Variants in MYO5A observed in about 807,000 individuals in gnomAD.
The protein encoded by MYO5A is myosin VA.
Under a neutral mutation model 249.7 loss-of-function variants are expected in MYO5A, and 98 were observed. That is an observed-to-expected ratio of 0.39 (90% confidence interval 0.33 to 0.46). The LOEUF (loss-of-function observed/expected upper bound fraction) is 0.46, where lower values mean the gene tolerates loss of function less well. Among genes scored for constraint, MYO5A ranks in the 20% least tolerant of loss-of-function variants. MYO5A has a pLI of 0.98. For synonymous variants in MYO5A, 778 were observed against 810.6 expected, an observed-to-expected ratio of 0.96 and a Z score of 0.68; for missense variants, 1,696 against 2,308.8, an observed-to-expected ratio of 0.73 and a Z score of 5.44.
intron 14 of MYO5A, among the ~76,000 whole-genome samples, chr15:52,385,193 T>A (rs2141140792): frequency 6.6e-6 from 1 of 152,348 alleles, no homozygotes; most frequent in South Asian, 2.1e-4. Context: ...ACATCCCATA[T>A]AAATAAAACC....
In MYO5A at chr15:52,317,236, GA is replaced by G; in HGVS notation, c.5235-15del. The G allele has an allele frequency of 1.9e-6, 3 of 1,612,492 alleles. No individual in the cohort carries two copies. Among genetic ancestry groups the G allele is most frequent in the Non-Finnish European group, 2.5e-6 (3 of 1,179,624 alleles). On this transcript the variant is annotated splice_polypyrimidine_tract_variant and intron_variant, in intron 39 of 41. Coordinates refer to ENST00000399233, the MANE Select transcript of MYO5A (RefSeq NM_001382347.1). ...CTGACATTGTACCTATGAAAAAAAA[GA>G]GATACAGAGAATGCAAATTTGCTGA...
At chr15:52,354,363 C>T (rs1027842724) in intron 25 of MYO5A, among the ~76,000 whole-genome samples, 1 of 152,140 alleles carries the variant, frequency 6.6e-6, no homozygotes, top group Non-Finnish European at 1.5e-5. Flanking sequence ...ATACCTTTAA[C>T]CTAGCAAATC....
At chr15:52,414,719 A>G (rs2043400870) in intron 5 of MYO5A, among the ~76,000 whole-genome samples, 1 of 152,206 alleles carries the variant, frequency 6.6e-6, no homozygotes, top group Admixed American at 6.5e-5. Flanking sequence ...ACCAGTCAAA[A>G]CAACAACAGC....
Position 52,464,686 on chromosome 15 carries a change from G to A in MYO5A, c.28-31401C>T, listed in dbSNP as rs1162416094. On this transcript the variant is annotated intron_variant, in intron 1 of 41. Coordinates refer to ENST00000399233, the MANE Select transcript of MYO5A (RefSeq NM_001382347.1). ...GACTGAAAAAATAGGTTAGGAGCAG[G>A]ATGTGAAAGACCTCATGTGCCATGG... Among the ~76,000 whole-genome samples, 3 of 152,314 alleles carry A rather than the reference G, an allele frequency of 2.0e-5. No individual in the cohort carries two copies. The East Asian group carries it at 5.8e-4, about 29-fold the overall frequency.
chr15:52,430,831 A>G (rs2075513669), intron 2 of MYO5A, among the ~76,000 whole-genome samples: 1 of 152,222 alleles, frequency 6.6e-6, no homozygotes, highest in African/African-American at 2.4e-5. Context: ...AAAACCAAAA[A>G]GAGAAGTTAT....
intron 35 of MYO5A, among the ~76,000 whole-genome samples, chr15:52,328,551 C>T (rs991355793): frequency 2.0e-5 from 3 of 152,230 alleles, no homozygotes; most frequent in Non-Finnish European, 4.4e-5. Context: ...ATGGAGGCCA[C>T]CATCATCTCC....
In MYO5A at chr15:52,312,171, A is replaced by G. The variant is rs192032595; in HGVS notation, c.*1525T>C. 51 of 152,358 alleles carry G rather than the reference A, an allele frequency of 3.3e-4. No individual in the cohort carries two copies. The highest frequency in any genetic ancestry group is 1.2e-3 in the African/African-American group (50 of 41,592). The allele number at this position is 152,358 out of a possible 1,614,324, so 9.4% of individuals were successfully genotyped here. The stretch of plus-strand genomic sequence containing the variant: ...AATTCAACAATCTTCTATTTCTTAT[A>G]TAAGTCTTCTTAAAGTATTTCTAAT... On this transcript the variant is annotated 3_prime_UTR_variant, in exon 42 of 42. Transcript: ENST00000399233.
chr15:52,368,129 A>C (rs1178204380), intron 22 of MYO5A, among the ~76,000 whole-genome samples: 1 of 152,222 alleles, frequency 6.6e-6, no homozygotes, highest in Admixed American at 6.5e-5. Flanking sequence ...GAGAACTGGC[A>C]GGCAAATCTC....
intron 1 of MYO5A, among the ~76,000 whole-genome samples, chr15:52,465,480 A>C (rs1042320804): frequency 6.6e-6 from 1 of 152,064 alleles, no homozygotes; most frequent in Non-Finnish European, 1.5e-5. Context: ...CAGGGTGACC[A>C]AAAATATATT....
Position 52,481,629 on chromosome 15 carries a change from T to C in MYO5A, c.27+47151A>G, listed in dbSNP as rs558536936. Among the ~76,000 whole-genome samples, 39 of 152,248 alleles carry C rather than the reference T, an allele frequency of 2.6e-4. No individual in the cohort carries two copies. The South Asian group carries it at 7.9e-3, about 31-fold the overall frequency. The stretch of plus-strand genomic sequence containing the variant: ...ACTTCCTAAAGGAGGGGGACATGGA[T>C]TTGGGCTAGAAGGACAAATAGGAGT... On this transcript the variant is annotated intron_variant, in intron 1 of 41. Coordinates refer to ENST00000399233, the MANE Select transcript of MYO5A (RefSeq NM_001382347.1).
intron 15 of MYO5A, 86 bp downstream of exon 15, chr15:52,384,075 C>T (rs2041875608): frequency 6.5e-7 from 1 of 1,549,144 alleles, no homozygotes. Flanking sequence ...CTGAGGATCC[C>T]ACCTGGGAGG....
Position 52,336,479 on chromosome 15 carries a change from T to G in MYO5A, c.4392A>C (p.Lys1464Asn). 1 of 1,604,208 alleles carries G rather than the reference T, an allele frequency of 6.2e-7. No individual in the cohort carries two copies. Among genetic ancestry groups the G allele is most frequent in the Non-Finnish European group, 8.5e-7 (1 of 1,173,436 alleles). ...TTTAAATACCTTCTAGTTCGCCAAT[T>G]TTTTTGGCAAATACTTTCAGTTGTT... ...LKKQLKVFAK[K>N]IGELEVGQME... Residue 1464 changes from lysine (K) to asparagine (N), a missense_variant, in exon 34 of 42, where the codon AAA (lysine) becomes AAC (asparagine). Transcript: ENST00000399233.
chr15:52,324,845 G>T (rs1040806905), intron 36 of MYO5A, among the ~76,000 whole-genome samples: 1 of 151,990 alleles, frequency 6.6e-6, no homozygotes, highest in African/African-American at 2.4e-5. Context: ...AAATCCTAGA[G>T]GATATCAAAC....
chr15:52,524,513 C>T (rs2077691668), intron 1 of MYO5A, among the ~76,000 whole-genome samples: 1 of 151,598 alleles, frequency 6.6e-6, no homozygotes, highest in Admixed American at 6.6e-5. Context: ...ATGTTCACAC[C>T]ACTACACCTC....
chr15:52,387,938 T>A, intron 13 of MYO5A, 26 bp from the exon 14 acceptor site: 1 of 1,509,176 alleles, frequency 6.6e-7, no homozygotes, highest in Non-Finnish European at 9.2e-7. Flanking sequence ...AAAATCTCCT[T>A]AACTGATAAA....
chr15:52,340,106 C>T, intron 32 of MYO5A, 90 bp downstream of exon 32: 1 of 1,414,228 alleles, frequency 7.1e-7, no homozygotes, highest in African/African-American at 1.4e-5. Flanking sequence ...GAGTTTTTCC[C>T]AGCAAGAAAA....
At chr15:52,345,634 A>T (rs1384014859) in intron 30 of MYO5A, among the ~76,000 whole-genome samples, 1 of 152,102 alleles carries the variant, frequency 6.6e-6, no homozygotes, top group Non-Finnish European at 1.5e-5. Flanking sequence ...AAAAGTCTGT[A>T]CATGTTCAGT....
Position 52,319,256 on chromosome 15 carries a change from C to T in MYO5A, c.5038G>A (p.Asp1680Asn), listed in dbSNP as rs780727587. The T allele has an allele frequency of 2.3e-5, 37 of 1,614,032 alleles. 1 individual carries two copies. In the Middle Eastern group the frequency reaches 9.9e-4, roughly 43 times the overall value. ...GAGTCCAGTGTGTAGGTGCCCTCAT[C>T]GGCGATACTGGAGGTTCGCTTTCTC... ...GLRKRTSSIADEGTYTLDSIL... is the reference protein window; with the variant it reads ...GLRKRTSSIANEGTYTLDSIL... The change falls in exon 39 of 42, where the codon GAT becomes AAT. Residue 1680 changes from aspartate (D) to asparagine (N), a missense_variant. By Grantham distance (23) the Asp-to-Asn change is conservative. This residue lies in a region of MYO5A where 625 missense variants were observed against 908.1 expected (regional missense o/e 0.69). Transcript: ENST00000399233.
At position 52,319,273 on chromosome 15, in the gene MYO5A, C is replaced by G; in HGVS notation, c.5021G>C (p.Arg1674Pro). 6.2e-7 allele frequency: 1 copy of G among 1,614,136 alleles called. No individual in the cohort carries two copies. The highest frequency in any genetic ancestry group is 8.5e-7 in the Non-Finnish European group (1 of 1,180,008). The change falls in exon 39 of 42, where the codon CGA becomes CCA. Residue 1674 changes from arginine to proline, a missense_variant. Arg to Pro is a moderately radical substitution (Grantham distance 103, BLOSUM62 -2). Coordinates refer to ENST00000399233, the MANE Select transcript of MYO5A (RefSeq NM_001382347.1). ...GCCCTCATCGGCGATACTGGAGGTT[C>G]GCTTTCTCAACCCTGTGGGCTTCAC... The part of the protein sequence containing the change: ...SGVKPTGLRK[R>P]TSSIADEGTY...
Sources: gnomAD v4.1 joint callset for allele counts (sites outside exome capture counted in the v4.1 genomes callset) on GRCh38, gnomAD v4.1.1 for gene constraint, gnomAD v4.1.1 regional missense constraint, MANE v1.5 for transcripts, NCBI Gene and HGNC (gene_info 2026-07-23, HGNC 2026-07-21) for gene names.